Variants in CSNK2A1 observed in about 807,000 individuals in gnomAD.
CSNK2A1 encodes the protein casein kinase II subunit alpha.
CSNK2A1 carries 10 observed loss-of-function variants against 62.9 expected under a neutral mutation model. The observed-to-expected ratio is 0.16, with a 90% CI of 0.10 to 0.27. The LOEUF (loss-of-function observed/expected upper bound fraction) is 0.27, where lower values mean the gene tolerates loss of function less well. Ranked by LOEUF, CSNK2A1 falls within the 10% of genes least tolerant of loss-of-function variation. CSNK2A1 has a pLI of 1.00. For synonymous variants in CSNK2A1, 124 were observed against 167.8 expected (o/e 0.74, Z 2.02); for missense variants, 160 against 492.0 (o/e 0.33, Z 6.38).
intron 2 of CSNK2A1, among the ~76,000 whole-genome samples, chr20:509,535 G>A (rs943328326): frequency 5.3e-5 from 8 of 152,184 alleles, no homozygotes; most frequent in Admixed American, 1.3e-4. Context: ...GATATAACAC[G>A]TATGCAAGTC....
chr20:522,859 C>A lies in CSNK2A1; in HGVS notation c.-110+5074G>T, dbSNP rs567912933. Among the ~76,000 whole-genome samples, 8 of 152,222 alleles carry A rather than the reference C, an allele frequency of 5.3e-5. No individual in the cohort carries two copies. In the East Asian group the frequency reaches 1.5e-3, roughly 29 times the overall value. The stretch of plus-strand genomic sequence containing the variant: ...TAGCTAGGACTACAGGCACATGCCA[C>A]CATGCCCACCTAACTTCTGAGAACC... On this transcript the variant is annotated intron_variant, in intron 2 of 13. Transcript: ENST00000217244.
chr20:534,185 A>G (rs1024922209), intron 1 of CSNK2A1, among the ~76,000 whole-genome samples: 11 of 152,260 alleles, frequency 7.2e-5, no homozygotes, highest in African/African-American at 2.7e-4. Flanking sequence ...CAAAAACAAC[A>G]GGATTACTAA....
At chr20:517,512 G>GT (rs1160708871) in intron 2 of CSNK2A1, among the ~76,000 whole-genome samples, 2 of 152,098 alleles carry the variant, frequency 1.3e-5, no homozygotes, top group African/African-American at 4.8e-5. Flanking sequence ...TCATGGTGGT[G>GT]TACAGACGTT....
chr20:491,007 T>C (rs935552484), intron 9 of CSNK2A1, among the ~76,000 whole-genome samples: 1 of 152,054 alleles, frequency 6.6e-6, no homozygotes, highest in African/African-American at 2.4e-5. Context: ...TTTCCTATAA[T>C]AGGACAGTGT....
At position 543,683 on chromosome 20, in the gene CSNK2A1, G is replaced by A. The variant is rs1019563407; in HGVS notation, c.-238C>T. 11 of 398,280 alleles carry A rather than the reference G, an allele frequency of 2.8e-5. No individual in the cohort carries two copies. Among genetic ancestry groups the A allele is most frequent in the Middle Eastern group, 6.3e-4 (1 of 1,590 alleles). 24.7% of individuals were successfully genotyped at this position (398,280 alleles called of 1,614,324 possible). ...TGCTCCCTAGGTACCTGTGGTGGAA[G>A]CGGCAGCGGCGGCGGCCGCTCTCCC... On this transcript the variant is annotated 5_prime_UTR_variant, in exon 1 of 14. Transcript: ENST00000217244.
chr20:524,763 A>G (rs1283826165), intron 2 of CSNK2A1, among the ~76,000 whole-genome samples: 1 of 151,758 alleles, frequency 6.6e-6, no homozygotes, highest in Non-Finnish European at 1.5e-5. Flanking sequence ...TATATATTAT[A>G]TACACGATGT....
chr20:478,817 C>G lies in CSNK2A1; in HGVS notation c.*5144G>C. 1 of 285,598 alleles carries G rather than the reference C, an allele frequency of 3.5e-6. No individual in the cohort carries two copies. Among genetic ancestry groups the G allele is most frequent in the South Asian group, 2.7e-5 (1 of 37,640 alleles). 17.7% of individuals were successfully genotyped at this position (285,598 alleles called of 1,614,324 possible). ...AGCATGATGGCTCGTGCCTGTAGTC[C>G]CTGGAAGGCTGAGTTGGGAGGATCA... is the stretch of plus-strand genomic sequence containing the variant. On this transcript the variant is annotated 3_prime_UTR_variant, in exon 14 of 14. Transcript: ENST00000217244.
chr20:487,301 G>C, intron 12 of CSNK2A1, 126 bp downstream of exon 12: 1 of 1,369,312 alleles, frequency 7.3e-7, no homozygotes, highest in Non-Finnish European at 1.0e-6. Context: ...TATCCCCACT[G>C]GAAGAATCTG....
chr20:495,425 A>AGG (rs1327766315), intron 8 of CSNK2A1: 9 of 337,684 alleles, frequency 2.7e-5, no homozygotes, highest in Admixed American at 2.0e-4. Context: ...AATGGAGAGA[A>AGG]AGTAGTTTCT....
chr20:495,937 A>G (rs1427749055), intron 7 of CSNK2A1, 135 bp from the exon 8 acceptor site: 2 of 671,644 alleles, frequency 3.0e-6, no homozygotes, highest in Non-Finnish European at 5.4e-6. Flanking sequence ...TCACTTCCAC[A>G]GCAATGCTTC....
Position 473,564 on chromosome 20 carries a change from G to T in CSNK2A1, c.*10397C>A, listed in dbSNP as rs1165379071. ...GGGGATACAGGGAAGGGTCTGGGTG[G>T]AGCACTGTGATCCTTTCACAGTAGC... is the stretch of plus-strand genomic sequence containing the variant. On this transcript the variant is annotated 3_prime_UTR_variant, in exon 14 of 14. Coordinates refer to ENST00000217244, the MANE Select transcript of CSNK2A1 (RefSeq NM_177559.3). The T allele has an allele frequency of 6.6e-6, 1 of 152,174 alleles. No individual in the cohort carries two copies. Among genetic ancestry groups the T allele is most frequent in the Admixed American group, 6.5e-5 (1 of 15,270 alleles). The allele number at this position is 152,174 out of a possible 1,614,324, so 9.4% of individuals were successfully genotyped here.
At chr20:518,933 C>CGTTGGATATACT (rs2018886442) in intron 2 of CSNK2A1, among the ~76,000 whole-genome samples, 4 of 123,710 alleles carry the variant, frequency 3.2e-5, no homozygotes, top group Non-Finnish European at 6.9e-5. Context: ...GTTGGATATA[C>CGTTGGATATACT]TTTTTTTTTT....
At chr20:510,531 T>C (rs2018696859) in intron 2 of CSNK2A1, among the ~76,000 whole-genome samples, 1 of 152,118 alleles carries the variant, frequency 6.6e-6, no homozygotes, top group Non-Finnish European at 1.5e-5. Flanking sequence ...TAAACAGCCA[T>C]GATGCATATA....
rs1290748442 is a variant in CSNK2A1 at position 475,481 on chromosome 20, G to C, written c.*8480C>G. On this transcript the variant is annotated 3_prime_UTR_variant, in exon 14 of 14. Coordinates refer to ENST00000217244, the MANE Select transcript of CSNK2A1 (RefSeq NM_177559.3). ...GACTCAAAAAAAAAAAAAAAAAGTT[G>C]GTGTAATCCTTTCCACACACACATA... 4 of 148,630 alleles carry C rather than the reference G, an allele frequency of 2.7e-5. No individual in the cohort carries two copies. The highest frequency in any genetic ancestry group is 1.5e-5 in the Non-Finnish European group (1 of 67,182). The allele number at this position is 148,630 out of a possible 1,614,324, so 9.2% of individuals were successfully genotyped here.
chr20:489,313 AACAAGACAATGGTACCTTCC>A (rs1420216334), intron 10 of CSNK2A1: 5 of 185,302 alleles, frequency 2.7e-5, no homozygotes, highest in Admixed American at 1.2e-4. Context: ...GCTCAAAGGG[AACAAGACAATGGTACCTTCC>A]ACAAGGTCCT....
At chr20:532,641 C>T (rs938639017) in intron 1 of CSNK2A1, among the ~76,000 whole-genome samples, 12 of 152,144 alleles carry the variant, frequency 7.9e-5, no homozygotes, top group African/African-American at 2.4e-4. Flanking sequence ...ATCTGTAACG[C>T]ACCCTAACAC....
chr20:489,426 C>T (rs1269272591), intron 10 of CSNK2A1: 10 of 321,130 alleles, frequency 3.1e-5, no homozygotes. Flanking sequence ...ACATCTGTAA[C>T]TCAACCCATA....
In CSNK2A1 at chr20:477,637, C is replaced by T. The variant is rs1222013000; in HGVS notation, c.*6324G>A. 3 of 152,246 alleles carry T rather than the reference C, an allele frequency of 2.0e-5. No individual in the cohort carries two copies. The highest frequency in any genetic ancestry group is 4.8e-5 in the African/African-American group (2 of 41,422). 9.4% of individuals were successfully genotyped at this position (152,246 alleles called of 1,614,324 possible). On this transcript the variant is annotated 3_prime_UTR_variant, in exon 14 of 14. Transcript: ENST00000217244. ...CCTATCTCCCTGGGGGCATTCAAAC[C>T]CTAGTCCATAGCCTGAGGCCCACCT...
intron 3 of CSNK2A1, among the ~76,000 whole-genome samples, chr20:505,443 T>C (rs1221233776): frequency 7.4e-6 from 1 of 135,162 alleles, no homozygotes; most frequent in African/African-American, 2.8e-5. Context: ...GACTGCCAGC[T>C]CCACCTCCCG....
Sources: gnomAD v4.1 joint callset for allele counts (sites outside exome capture counted in the v4.1 genomes callset) on GRCh38, gnomAD v4.1.1 for gene constraint, MANE v1.5 for transcripts, NCBI Gene and HGNC (gene_info 2026-07-23, HGNC 2026-07-21) for gene names.